NSUN4: variants seen among roughly 807,000 people sequenced by gnomAD.
NSUN4 encodes the protein 5-cytosine rRNA methyltransferase NSUN4.
A neutral mutation model predicts 43.8 loss-of-function variants in NSUN4; 31 were observed. The observed-to-expected ratio is 0.71, with a 90% CI of 0.53 to 0.96. The LOEUF is 0.96. NSUN4 is among the 40% of genes least tolerant of loss of function. NSUN4 has a pLI of 0.00. For missense variants in NSUN4, 439 were observed against 475.6 expected (o/e 0.92, Z 0.72); for synonymous variants, 167 against 184.1 (o/e 0.91, Z 0.75).
chr1:46,341,099 G>A, intron 1 of NSUN4, 180 bp downstream of exon 1: 1 of 1,207,336 alleles, frequency 8.3e-7, no homozygotes, highest in Non-Finnish European at 1.1e-6. Flanking sequence ...TGTCCCGAGC[G>A]TTAGTGTCTT....
At chr1:46,361,431 T>C (rs1251195996) in intron 5 of NSUN4, 139 bp from the exon 6 acceptor site, 2 of 715,336 alleles carry the variant, frequency 2.8e-6, no homozygotes, top group Non-Finnish European at 4.6e-6. Context: ...AGTGTCATTG[T>C]GGAAGGGACT....
chr1:46,372,401 C>T, the NSUN4 span, among the ~76,000 whole-genome samples: 1 of 152,082 alleles, frequency 6.6e-6, no homozygotes, highest in Non-Finnish European at 1.5e-5. Flanking sequence ...TCTTGGCCTC[C>T]CAAAATGCTG....
chr1:46,378,625 GATGTATC>G, the NSUN4 span, among the ~76,000 whole-genome samples: 2 of 152,266 alleles, frequency 1.3e-5, no homozygotes, highest in Non-Finnish European at 2.9e-5. Flanking sequence ...AAGATCAGGA[GATGTATC>G]AGTTAGCTAT....
At chr1:46,368,928 C>T (rs1490308077), downstream of NSUN4, among the ~76,000 whole-genome samples, 2 of 152,158 alleles carry the variant, frequency 1.3e-5, no homozygotes, top group Admixed American at 6.5e-5. Flanking sequence ...CCAGCAGGAT[C>T]AAGTCCAGAC....
At position 46,346,965 on chromosome 1, in the gene NSUN4, C is replaced by T; in HGVS notation, c.482C>T (p.Ala161Val). 4 of 1,614,140 alleles carry T rather than the reference C, an allele frequency of 2.5e-6. No homozygotes were observed. Among genetic ancestry groups the T allele is most frequent in the Non-Finnish European group, 3.4e-6 (4 of 1,179,976 alleles). Residue 161 changes from alanine (A) to valine (V), a missense_variant, in exon 3 of 6, where the codon GCC (alanine) becomes GTC (valine). Ala to Val is a moderately conservative substitution (Grantham distance 64). Transcript: ENST00000474844. ...GVMEYYLMDA[A>V]SLLPVLALGL... ...ATGGAGTACTACCTGATGGATGCTG[C>T]CTCCTTGCTGCCTGTTCTGGCCCTC... is the stretch of plus-strand genomic sequence containing the variant.
At chr1:46,358,963 A>G (rs1311935875) in intron 4 of NSUN4, among the ~76,000 whole-genome samples, 1 of 152,062 alleles carries the variant, frequency 6.6e-6, no homozygotes, top group Non-Finnish European at 1.5e-5. Context: ...CATTGAAAAA[A>G]CAAATTGGGG....
chr1:46,368,793 C>A (rs752757288), downstream of NSUN4, among the ~76,000 whole-genome samples: 8 of 152,112 alleles, frequency 5.3e-5, no homozygotes, highest in Non-Finnish European at 1.2e-4. Context: ...TGGTTCATGC[C>A]TGTAATCCCG....
chr1:46,377,660 T>C, the NSUN4 span, among the ~76,000 whole-genome samples: 11 of 152,214 alleles, frequency 7.2e-5, no homozygotes, highest in Admixed American at 5.2e-4. Flanking sequence ...GTTTTCGTAA[T>C]AAAATTGCCA....
At chr1:46,375,851 A>G in the NSUN4 span, among the ~76,000 whole-genome samples, 2 of 152,022 alleles carry the variant, frequency 1.3e-5, no homozygotes, top group African/African-American at 4.8e-5. Flanking sequence ...TCACGCCTGT[A>G]ATCCCAGCAC....
At position 46,362,263 on chromosome 1, in the gene NSUN4, A is replaced by G. The variant is rs1425350207; in HGVS notation, c.*417A>G. On this transcript the variant is annotated 3_prime_UTR_variant, in exon 6 of 6. Transcript: ENST00000474844. ...TTAGTTCCATTTGTACCAGCCAGTT[A>G]CTGAGCCCCTGTCACCCTTGAAGTG... The G allele has an allele frequency of 5.7e-6, 1 of 175,690 alleles. No individual in the cohort carries two copies. Among genetic ancestry groups the G allele is most frequent in the East Asian group, 1.6e-4 (1 of 6,194 alleles). 10.9% of individuals were successfully genotyped at this position (175,690 alleles called of 1,614,324 possible).
intron 4 of NSUN4, among the ~76,000 whole-genome samples, chr1:46,358,306 G>A (rs1327020344): frequency 2.0e-5 from 3 of 151,980 alleles, no homozygotes; most frequent in African/African-American, 7.3e-5. Flanking sequence ...ATGTTGGCCA[G>A]GCTGGTCTCG....
chr1:46,378,379 T>A, the NSUN4 span, among the ~76,000 whole-genome samples: 1 of 152,120 alleles, frequency 6.6e-6, no homozygotes, highest in African/African-American at 2.4e-5. Context: ...GCATTTTTAG[T>A]AGAGACGAGG....
chr1:46,352,804 C>G (rs2148394024), intron 3 of NSUN4, 64 bp from the exon 4 acceptor site: 2 of 1,523,338 alleles, frequency 1.3e-6, no homozygotes, highest in East Asian at 4.5e-5. Flanking sequence ...CTGACTCCAT[C>G]AGCGCCATTG....
At chr1:46,379,725 A>G in the NSUN4 span, among the ~76,000 whole-genome samples, 44 of 152,326 alleles carry the variant, frequency 2.9e-4, no homozygotes, top group African/African-American at 1.1e-3. Context: ...GGGAGGTCTA[A>G]GGTCAAGGCA....
At chr1:46,377,783 G>A in the NSUN4 span, among the ~76,000 whole-genome samples, 15 of 152,086 alleles carry the variant, frequency 9.9e-5, no homozygotes, top group Non-Finnish European at 1.6e-4. Flanking sequence ...TAATTCCCAC[G>A]GCAACCAATG....
intron 1 of NSUN4, chr1:46,342,425 C>T (rs1662179598): frequency 1.8e-5 from 7 of 399,012 alleles, no homozygotes; most frequent in Non-Finnish European, 3.1e-5. Flanking sequence ...CAGAGGCCTA[C>T]ATACCTACCC....
rs150001344 is a variant in NSUN4 at position 46,361,602 on chromosome 1, A to G, written c.911A>G (p.His304Arg). The change falls in exon 6 of 6, where the codon CAT becomes CGT. Residue 304 changes from histidine (H) to arginine (R), a missense_variant. Transcript: ENST00000474844. ...AGLLATKPGG[H>R]VVYSTCSLSH... ...CTCCTTGCCACCAAACCAGGAGGCC[A>G]TGTTGTCTATTCTACCTGCTCACTC... 241 of 1,614,180 alleles carry G rather than the reference A, an allele frequency of 1.5e-4. No homozygotes were observed. The Middle Eastern group carries it at 2.6e-3, about 18-fold the overall frequency.
At chr1:46,355,782 A>G (rs1389017167) in intron 4 of NSUN4, among the ~76,000 whole-genome samples, 1 of 152,176 alleles carries the variant, frequency 6.6e-6, no homozygotes. Flanking sequence ...TGGGAGGCCA[A>G]GGTGGGTGGA....
intron 1 of NSUN4, 158 bp downstream of exon 1, chr1:46,341,077 G>C (rs1170289216): frequency 8.6e-7 from 1 of 1,167,816 alleles, no homozygotes; most frequent in Non-Finnish European, 1.2e-6. Flanking sequence ...CACCGCCTCT[G>C]TCCGCACTCT....
Sources: gnomAD v4.1 joint callset for allele counts (sites outside exome capture counted in the v4.1 genomes callset) on GRCh38, gnomAD v4.1.1 for gene constraint, MANE v1.5 for transcripts, NCBI Gene and HGNC (gene_info 2026-07-23, HGNC 2026-07-21) for gene names.